The following SRP72 variants were observed in gnomAD, a reference collection of about 807,000 sequenced individuals.
SRP72 encodes the protein signal recognition particle subunit SRP72.
A neutral mutation model predicts 96.3 loss-of-function variants in SRP72; 49 were observed. The ratio of observed to expected loss-of-function variants is 0.51; its 90% CI spans 0.40 to 0.65. The LOEUF is 0.65. SRP72 is among the 30% of genes least tolerant of loss of function. The pLI, the probability that SRP72 is intolerant of heterozygous loss-of-function variation, is 0.00. For synonymous variants in SRP72, 267 were observed against 275.2 expected, an observed-to-expected ratio of 0.97 and a Z score of 0.30; for missense variants, 736 against 793.3, an observed-to-expected ratio of 0.93 and a Z score of 0.87.
At chr4:56,499,308 C>T (rs1483562014) in intron 17 of SRP72, among the ~76,000 whole-genome samples, 1 of 152,218 alleles carries the variant, frequency 6.6e-6, no homozygotes, top group African/African-American at 2.4e-5. Context: ...CCATTCAGGA[C>T]ATAGGCATGG....
chr4:56,498,034 A>G (rs1436063050), intron 17 of SRP72, among the ~76,000 whole-genome samples: 4 of 152,258 alleles, frequency 2.6e-5, no homozygotes, highest in Admixed American at 6.5e-5. Context: ...TTTCTATATT[A>G]AGGATTTTTT....
Position 56,502,617 on chromosome 4 carries a change from A to G in SRP72, c.*756A>G, listed in dbSNP as rs569211420. The G allele has an allele frequency of 5.9e-5, 9 of 151,704 alleles. No homozygotes were observed. The highest frequency in any genetic ancestry group is 3.4e-3 in the Middle Eastern group (1 of 290). 9.4% of individuals were successfully genotyped at this position (151,704 alleles called of 1,614,324 possible). A position where few individuals can be genotyped will look rare whatever the true frequency, so the allele number is the denominator to read the frequency against. ...GAAAGAACTCAAGGAAAATATATCAATGTAAGAAGTTCACTCTTAGACCCA... is the reference window on the plus strand; with the variant it reads ...GAAAGAACTCAAGGAAAATATATCAGTGTAAGAAGTTCACTCTTAGACCCA... On this transcript the variant is annotated 3_prime_UTR_variant, in exon 19 of 19. Coordinates refer to ENST00000642900, the MANE Select transcript of SRP72 (RefSeq NM_006947.4).
intron 1 of SRP72, 102 bp from the exon 2 acceptor site, chr4:56,469,551 A>C: frequency 8.7e-7 from 1 of 1,149,392 alleles, no homozygotes; most frequent in Non-Finnish European, 1.2e-6. Flanking sequence ...TGTTGCAATA[A>C]AAGTAGAAAT....
intron 16 of SRP72, 156 bp downstream of exon 16, chr4:56,491,724 C>T: frequency 1.5e-6 from 1 of 666,908 alleles, no homozygotes; most frequent in South Asian, 3.1e-5. Flanking sequence ...TCCTTATTTC[C>T]TTCCCTTTTC....
intron 17 of SRP72, among the ~76,000 whole-genome samples, chr4:56,500,217 G>T (rs1043591154): frequency 6.6e-6 from 1 of 152,060 alleles, no homozygotes; most frequent in Admixed American, 6.6e-5. Flanking sequence ...CTGTCGGGGG[G>T]CGGTGGGAGG....
chr4:56,499,731 A>T (rs1286284881), intron 17 of SRP72, among the ~76,000 whole-genome samples: 2 of 152,166 alleles, frequency 1.3e-5, no homozygotes, highest in East Asian at 3.8e-4. Flanking sequence ...GCTGGAGAGG[A>T]TGTGGAGAAA....
At chr4:56,484,146 G>T (rs906389469) in intron 9 of SRP72, among the ~76,000 whole-genome samples, 2 of 145,384 alleles carry the variant, frequency 1.4e-5, no homozygotes, top group Non-Finnish European at 3.0e-5. Flanking sequence ...CTATTCTCCT[G>T]CCTCACCCTC....
intron 16 of SRP72, among the ~76,000 whole-genome samples, chr4:56,495,086 G>T (rs758064804): frequency 3.3e-5 from 5 of 152,160 alleles, no homozygotes; most frequent in Non-Finnish European, 7.3e-5. Context: ...CTTAATGTGT[G>T]CCACTGAAAA....
chr4:56,473,818 G>A (rs954357989), intron 3 of SRP72, among the ~76,000 whole-genome samples: 5 of 151,896 alleles, frequency 3.3e-5, no homozygotes, highest in Admixed American at 2.6e-4. Context: ...ACTGAATCCT[G>A]CCTACAGAAC....
chr4:56,474,562 G>A, intron 5 of SRP72, 171 bp downstream of exon 5: 1 of 651,752 alleles, frequency 1.5e-6, no homozygotes, highest in Non-Finnish European at 2.6e-6. Flanking sequence ...TTTATGGAGT[G>A]GGACAGAATC....
At chr4:56,467,881 G>A in intron 1 of SRP72, 137 bp downstream of exon 1, 1 of 893,066 alleles carries the variant, frequency 1.1e-6, no homozygotes, top group Non-Finnish European at 1.6e-6. Context: ...TGTCCGCCCG[G>A]CTCGGGCCCT....
At chr4:56,485,519 C>A (rs1354987235) in intron 10 of SRP72, among the ~76,000 whole-genome samples, 1 of 151,658 alleles carries the variant, frequency 6.6e-6, no homozygotes, top group Non-Finnish European at 1.5e-5. Flanking sequence ...TTGTGGGGGT[C>A]GCCAGGCGTA....
intron 2 of SRP72, among the ~76,000 whole-genome samples, chr4:56,470,189 A>G (rs1479953971): frequency 2.8e-5 from 4 of 143,004 alleles, no homozygotes; most frequent in Non-Finnish European, 6.1e-5. Flanking sequence ...GCAGAACAAT[A>G]TATATTATAC....
At chr4:56,494,943 T>C (rs1721026124) in intron 16 of SRP72, among the ~76,000 whole-genome samples, 1 of 152,218 alleles carries the variant, frequency 6.6e-6, no homozygotes. Flanking sequence ...CTTCCAGAGA[T>C]ATTCTTTGCA....
chr4:56,469,824 G>T, intron 2 of SRP72, 51 bp downstream of exon 2: 1 of 1,464,226 alleles, frequency 6.8e-7, no homozygotes, highest in South Asian at 1.4e-5. Flanking sequence ...ACTTACTATA[G>T]CTATAATCTC....
chr4:56,476,394 C>T (rs1720224021), intron 5 of SRP72: 1 of 426,512 alleles, frequency 2.3e-6, no homozygotes, highest in Non-Finnish European at 4.1e-6. Flanking sequence ...TGATTTTTCG[C>T]AATTAATATT....
chr4:56,496,941 A>G (rs1345029913), intron 17 of SRP72, among the ~76,000 whole-genome samples: 1 of 152,068 alleles, frequency 6.6e-6, no homozygotes, highest in Non-Finnish European at 1.5e-5. Context: ...GTGAGTTGAG[A>G]TTGCGTCACG....
rs574153587 is a variant in SRP72, at chr4:56,478,350, T to C, written c.643-29T>C. ...AATATGTAGATCAGTTTGGAAAATTTATATGGGAAAAACATTTCTTTCTCT... is the reference window on the plus strand; with the variant it reads ...AATATGTAGATCAGTTTGGAAAATTCATATGGGAAAAACATTTCTTTCTCT... On this transcript the variant is annotated intron_variant, in intron 6 of 18. Coordinates refer to ENST00000642900, the MANE Select transcript of SRP72 (RefSeq NM_006947.4). 294 of 1,541,622 alleles carry C rather than the reference T, an allele frequency of 1.9e-4. 5 individuals are homozygous for C. The South Asian group carries it at 3.4e-3, about 18-fold the overall frequency.
Position 56,490,574 on chromosome 4 carries a change from T to C in SRP72, c.1431T>C (p.Asn477=). The C allele has an allele frequency of 6.2e-7, 1 of 1,613,508 alleles. No homozygotes were observed. The highest frequency in any genetic ancestry group is 1.1e-5 in the South Asian group (1 of 90,908). ...ISDLQQLWKQ[N]PKDIHTLAQL... ...TTCTTATTTCTTCTTTTAGACAAAA[T>C]CCAAAAGATATTCACACCCTGGCAC... is the stretch of plus-strand genomic sequence containing the variant. The change falls in exon 15 of 19, where the codon AAT becomes AAC. Residue 477 remains asparagine (N), a synonymous_variant. Coordinates refer to ENST00000642900, the MANE Select transcript of SRP72 (RefSeq NM_006947.4).
Sources: gnomAD v4.1 joint callset for allele counts (sites outside exome capture counted in the v4.1 genomes callset) on GRCh38, gnomAD v4.1.1 for gene constraint, MANE v1.5 for transcripts, NCBI Gene and HGNC (gene_info 2026-07-23, HGNC 2026-07-21) for gene names.